Variants in ZNF184 observed in about 807,000 individuals in gnomAD.
The protein encoded by ZNF184 is zinc finger protein 184 (Kruppel-like).
ZNF184 carries 16 observed loss-of-function variants against 54.4 expected under a neutral mutation model. The ratio of observed to expected loss-of-function variants is 0.29; its 90% CI spans 0.20 to 0.45. The LOEUF (loss-of-function observed/expected upper bound fraction) is 0.45, where lower values mean the gene tolerates loss of function less well. ZNF184 is among the 20% of genes least tolerant of loss of function. The pLI, the probability that ZNF184 is intolerant of heterozygous loss-of-function variation, is 1.00. For synonymous variants in ZNF184, 254 were observed against 295.3 expected, an observed-to-expected ratio of 0.86 and a Z score of 1.43; for missense variants, 681 against 888.2, an observed-to-expected ratio of 0.77 and a Z score of 2.97.
intron 2 of ZNF184, among the ~76,000 whole-genome samples, chr6:27,471,486 G>C (rs77036019): frequency 0.023 from 3,439 of 152,264 alleles, 58 homozygotes; most frequent in African/African-American, 0.061. Flanking sequence ...GCCAAACAGC[G>C]GAAGTATAAT....
chr6:27,429,111 G>T, the ZNF184 span, among the ~76,000 whole-genome samples: 5 of 152,134 alleles, frequency 3.3e-5, no homozygotes, highest in Admixed American at 1.3e-4. Flanking sequence ...AAGGTGTTGT[G>T]GTTTCCTCCT....
At chr6:27,416,077 T>C in the ZNF184 span, among the ~76,000 whole-genome samples, 1 of 152,208 alleles carries the variant, frequency 6.6e-6, no homozygotes, top group Non-Finnish European at 1.5e-5. Context: ...TCTCTTTCTG[T>C]GTCCAAATTT....
chr6:27,409,324 C>T, the ZNF184 span, among the ~76,000 whole-genome samples: 1 of 151,556 alleles, frequency 6.6e-6, no homozygotes, highest in African/African-American at 2.4e-5. Context: ...ATGGTGAAAC[C>T]CTGTCTCTAC....
chr6:27,450,414 A>C (rs964876539), downstream of ZNF184, among the ~76,000 whole-genome samples: 1 of 43,426 alleles, frequency 2.3e-5, no homozygotes, highest in African/African-American at 7.9e-5. Flanking sequence ...CAATGGGATT[A>C]GTAGTCTTAT....
chr6:27,456,678 A>G lies in ZNF184; in HGVS notation c.298+148T>C, dbSNP rs552819801. The G allele has an allele frequency of 2.1e-5, 14 of 672,008 alleles. 2 individuals carry two copies. The South Asian group carries it at 2.6e-4, about 13-fold the overall frequency. The allele number at this position is 672,008 out of a possible 1,614,324, so 41.6% of individuals were successfully genotyped here. On this transcript the variant is annotated intron_variant, in intron 5 of 5. Transcript: ENST00000683788. ...AATTAGTGACATAACAAAGCATAAG[A>G]AAGTCCAGAAAACAGATGTTTTCCC...
At chr6:27,433,837 T>C in the ZNF184 span, among the ~76,000 whole-genome samples, 1 of 152,070 alleles carries the variant, frequency 6.6e-6, no homozygotes, top group African/African-American at 2.4e-5. Context: ...TGCTTTCAAT[T>C]TTTTTCCTTC....
the ZNF184 span, among the ~76,000 whole-genome samples, chr6:27,437,289 G>T: frequency 6.6e-6 from 1 of 152,188 alleles, no homozygotes; most frequent in African/African-American, 2.4e-5. Context: ...TTCTCCAGCT[G>T]GTAGCATGAG....
chr6:27,431,084 C>T, the ZNF184 span, among the ~76,000 whole-genome samples: 1 of 152,068 alleles, frequency 6.6e-6, no homozygotes, highest in Non-Finnish European at 1.5e-5. Context: ...CTGAAAATAC[C>T]TTATTTCACC....
Position 27,472,955 on chromosome 6 carries a change from C to A in ZNF184, c.-366G>T, listed in dbSNP as rs1763318741. On this transcript the variant is annotated 5_prime_UTR_variant, in exon 1 of 6. Coordinates refer to ENST00000683788, the MANE Select transcript of ZNF184 (RefSeq NM_001318891.2). This position sits in a 1 kb window ranked among gnomAD's most constrained non-coding sequence, Gnocchi z 4.8. ...TGACGTCACGAGTCCGGAGGGCTGGCTGTTGCCATGGTGATACCTGAGCTC... is the reference window on the plus strand; with the variant it reads ...TGACGTCACGAGTCCGGAGGGCTGGATGTTGCCATGGTGATACCTGAGCTC... 2 of 152,590 alleles carry A rather than the reference C, an allele frequency of 1.3e-5. No individual in the cohort carries two copies. Among genetic ancestry groups the A allele is most frequent in the Non-Finnish European group, 2.9e-5 (2 of 68,326 alleles). The allele number at this position is 152,590 out of a possible 1,614,324, so 9.5% of individuals were successfully genotyped here. A position where few individuals can be genotyped will look rare whatever the true frequency, so the allele number is the denominator to read the frequency against.
the ZNF184 span, among the ~76,000 whole-genome samples, chr6:27,442,476 C>T: frequency 4.0e-5 from 6 of 151,882 alleles, no homozygotes; most frequent in African/African-American, 1.5e-4. Flanking sequence ...AAAAAATTAG[C>T]CAGGCATGGT....
At chr6:27,454,104 C>A (rs1264889485) in intron 5 of ZNF184, among the ~76,000 whole-genome samples, 1 of 152,144 alleles carries the variant, frequency 6.6e-6, no homozygotes, top group Non-Finnish European at 1.5e-5. Context: ...AGTACATAAT[C>A]AGGAAGTAAA....
At chr6:27,469,485 A>G (rs1196925918) in intron 2 of ZNF184, among the ~76,000 whole-genome samples, 1 of 152,158 alleles carries the variant, frequency 6.6e-6, no homozygotes, top group Non-Finnish European at 1.5e-5. Flanking sequence ...TACTAAAAAT[A>G]CAAAAATTAA....
the ZNF184 span, among the ~76,000 whole-genome samples, chr6:27,440,495 T>A: frequency 2.0e-5 from 3 of 152,344 alleles, no homozygotes; most frequent in South Asian, 4.1e-4. Flanking sequence ...TTTGCTTTTT[T>A]AAATTAATTG....
At chr6:27,424,364 G>A in the ZNF184 span, among the ~76,000 whole-genome samples, 1 of 152,176 alleles carries the variant, frequency 6.6e-6, no homozygotes, top group Non-Finnish European at 1.5e-5. Context: ...TACAAGGAAA[G>A]CCGACAGAGT....
intron 3 of ZNF184, among the ~76,000 whole-genome samples, chr6:27,462,350 A>G (rs1037321685): frequency 1.3e-5 from 2 of 151,654 alleles, no homozygotes; most frequent in Admixed American, 6.6e-5. Flanking sequence ...GGTGCCCGCC[A>G]CCACACCCGG....
chr6:27,409,357 G>A, the ZNF184 span, among the ~76,000 whole-genome samples: 5 of 151,694 alleles, frequency 3.3e-5, no homozygotes, highest in African/African-American at 9.7e-5. Flanking sequence ...AAATTAGCCG[G>A]GCGTGGTGGC....
At chr6:27,447,090 A>T (rs1382532019), downstream of ZNF184, among the ~76,000 whole-genome samples, 1 of 151,532 alleles carries the variant, frequency 6.6e-6, no homozygotes, top group Non-Finnish European at 1.5e-5. Flanking sequence ...AAAAAAAAAA[A>T]AGTCTTAATG....
the ZNF184 span, among the ~76,000 whole-genome samples, chr6:27,423,709 A>G: frequency 2.0e-5 from 3 of 151,668 alleles, no homozygotes; most frequent in Admixed American, 2.0e-4. Context: ...CCCTTTTACA[A>G]TTTAGATATT....
chr6:27,468,220 C>T (rs1233635909), intron 2 of ZNF184, among the ~76,000 whole-genome samples: 1 of 152,146 alleles, frequency 6.6e-6, no homozygotes, highest in Non-Finnish European at 1.5e-5. Context: ...TGGCCTTTCT[C>T]TGCTACATAT....
Sources: allele counts gnomAD v4.1 joint callset (sites outside exome capture counted in the v4.1 genomes callset), GRCh38; gene constraint gnomAD v4.1.1; non-coding constraint Gnocchi (gnomAD v3.1); transcripts MANE v1.5; gene names NCBI Gene and HGNC (gene_info 2026-07-23, HGNC 2026-07-21).